The following PLD5 variants were observed in gnomAD, a reference collection of about 807,000 sequenced individuals.
PLD5 encodes the protein phospholipase D family member 5.
Under a neutral mutation model 61.1 loss-of-function variants are expected in PLD5, and 36 were observed. That is an observed-to-expected ratio of 0.59 (90% confidence interval 0.45 to 0.78). PLD5 has a LOEUF of 0.78. PLD5 is among the 30% of genes least tolerant of loss of function. The pLI, the probability that PLD5 is intolerant of heterozygous loss-of-function variation, is 0.00. For missense variants in PLD5, 515 were observed against 644.4 expected (o/e 0.80, Z 2.17); for synonymous variants, 243 against 242.8 (o/e 1.00, Z -0.01).
At chr1:242,266,607 T>A (rs1057110831) in intron 3 of PLD5, among the ~76,000 whole-genome samples, 8 of 152,198 alleles carry the variant, frequency 5.3e-5, no homozygotes, top group Admixed American at 3.3e-4. Context: ...TATTGATTTT[T>A]TAGATTTTTT....
chr1:242,264,678 GCCT>G (rs1383253041), intron 4 of PLD5, among the ~76,000 whole-genome samples: 2 of 152,060 alleles, frequency 1.3e-5, no homozygotes, highest in Non-Finnish European at 2.9e-5. Context: ...GCTCAAACAC[GCCT>G]TTTCCTTTTA....
intron 2 of PLD5, among the ~76,000 whole-genome samples, chr1:242,333,842 T>G (rs954321716): frequency 6.6e-6 from 1 of 152,194 alleles, no homozygotes; most frequent in African/African-American, 2.4e-5. Flanking sequence ...TTTTTATGGC[T>G]GAATAATATT....
chr1:242,297,141 C>G (rs113164141), intron 2 of PLD5, among the ~76,000 whole-genome samples: 9 of 151,956 alleles, frequency 5.9e-5, no homozygotes, highest in Non-Finnish European at 8.8e-5. Flanking sequence ...GTCAAGAGAT[C>G]GAGACCATCC....
intron 3 of PLD5, among the ~76,000 whole-genome samples, chr1:242,272,848 T>A (rs1674181758): frequency 6.6e-6 from 1 of 152,152 alleles, no homozygotes. Context: ...TAAGAATGTA[T>A]AAATATAGAA....
intron 1 of PLD5, among the ~76,000 whole-genome samples, chr1:242,486,009 C>T (rs1365545227): frequency 6.6e-6 from 1 of 151,792 alleles, no homozygotes; most frequent in African/African-American, 2.4e-5. Flanking sequence ...ACTGGCTAGC[C>T]ATATGTAGAA....
At chr1:242,183,852 G>A (rs1167531044) in intron 5 of PLD5, among the ~76,000 whole-genome samples, 3 of 152,024 alleles carry the variant, frequency 2.0e-5, no homozygotes, top group East Asian at 3.9e-4. Flanking sequence ...CAGAGATCGC[G>A]CCACTGCACT....
At chr1:242,212,016 T>C (rs1177716967) in intron 5 of PLD5, among the ~76,000 whole-genome samples, 2 of 152,150 alleles carry the variant, frequency 1.3e-5, no homozygotes, top group Non-Finnish European at 2.9e-5. Flanking sequence ...ATCTTAAACA[T>C]TGCATGCAAG....
intron 5 of PLD5, among the ~76,000 whole-genome samples, chr1:242,163,243 A>G (rs552248445): frequency 6.7e-6 from 1 of 148,248 alleles, no homozygotes; most frequent in Non-Finnish European, 1.5e-5. Flanking sequence ...TCCCGGGTTC[A>G]TGCCATTCTC....
At chr1:242,101,411 C>T (rs1289182776) in intron 8 of PLD5, among the ~76,000 whole-genome samples, 2 of 152,010 alleles carry the variant, frequency 1.3e-5, no homozygotes, top group Non-Finnish European at 2.9e-5. Context: ...AATGGGGCAG[C>T]TGAAAGAAGG....
intron 5 of PLD5, among the ~76,000 whole-genome samples, chr1:242,135,797 C>T (rs760948991): frequency 6.6e-6 from 1 of 152,128 alleles, no homozygotes; most frequent in Non-Finnish European, 1.5e-5. Context: ...TTCTACTTTG[C>T]CCAGGGCTTT....
At chr1:242,223,636 C>G (rs1415805099) in intron 4 of PLD5, among the ~76,000 whole-genome samples, 1 of 152,148 alleles carries the variant, frequency 6.6e-6, no homozygotes, top group Non-Finnish European at 1.5e-5. Context: ...TTCATTTTCT[C>G]TATTTTAGGA....
At chr1:242,194,978 A>G (rs529247943) in intron 5 of PLD5, among the ~76,000 whole-genome samples, 17 of 152,246 alleles carry the variant, frequency 1.1e-4, no homozygotes, top group African/African-American at 3.9e-4. Flanking sequence ...ATCACTAAAG[A>G]ATTTACTCAT....
intron 1 of PLD5, among the ~76,000 whole-genome samples, chr1:242,434,058 G>C (rs866819371): frequency 3.2e-4 from 49 of 152,248 alleles, no homozygotes; most frequent in African/African-American, 1.0e-3. Context: ...GTGGAGGAGG[G>C]ATCTACAAGA....
At chr1:242,182,186 C>A (rs1012763727) in intron 5 of PLD5, among the ~76,000 whole-genome samples, 1 of 152,122 alleles carries the variant, frequency 6.6e-6, no homozygotes, top group South Asian at 2.1e-4. Flanking sequence ...GATCTGGAAG[C>A]CCTGCAGCTC....
intron 5 of PLD5, among the ~76,000 whole-genome samples, chr1:242,134,488 T>C (rs1299301969): frequency 6.6e-6 from 1 of 152,108 alleles, no homozygotes; most frequent in Non-Finnish European, 1.5e-5. Flanking sequence ...ATGGGAGGCA[T>C]GGACAAGTGG....
chr1:242,415,497 A>G (rs1664770122), intron 1 of PLD5, among the ~76,000 whole-genome samples: 2 of 149,352 alleles, frequency 1.3e-5, no homozygotes, highest in South Asian at 2.1e-4. Flanking sequence ...ACAACAGAAG[A>G]ATAAGCCATA....
chr1:242,155,368 T>C (rs1328001509), intron 5 of PLD5, among the ~76,000 whole-genome samples: 4 of 152,204 alleles, frequency 2.6e-5, no homozygotes, highest in African/African-American at 9.7e-5. Flanking sequence ...GCTTTGATCA[T>C]AGTTATTTCT....
chr1:242,194,653 T>C (rs537092916), intron 5 of PLD5, among the ~76,000 whole-genome samples: 2 of 134,366 alleles, frequency 1.5e-5, no homozygotes, highest in Admixed American at 1.7e-4. Context: ...TATCTATCTA[T>C]CTATCTATCT....
At chr1:242,107,875 AAGTT>A in intron 7 of PLD5, 36 bp from the exon 8 acceptor site, 2 of 1,544,842 alleles carry the variant, frequency 1.3e-6, no homozygotes, top group Non-Finnish European at 1.7e-6. Context: ...AAAATAAACT[AAGTT>A]AGTTTGGGAA....
Sources: allele counts gnomAD v4.1 joint callset (sites outside exome capture counted in the v4.1 genomes callset), GRCh38; gene constraint gnomAD v4.1.1; transcripts MANE v1.5; gene names NCBI Gene and HGNC (gene_info 2026-07-23, HGNC 2026-07-21).